Variants in SIDT1 observed in about 807,000 individuals in gnomAD.
The protein encoded by SIDT1 is SID1 transmembrane family, member 1.
In SIDT1, 101 loss-of-function variants were observed where a neutral mutation model predicts 107.5. That is an observed-to-expected ratio of 0.94 (90% CI 0.80 to 1.11). SIDT1 has a LOEUF of 1.11. SIDT1 is among the 50% of genes least tolerant of loss of function. SIDT1 has a pLI of 0.00. For synonymous variants in SIDT1, 395 were observed against 398.2 expected, an observed-to-expected ratio of 0.99 and a Z score of 0.10; for missense variants, 1,076 against 1,058.2, an observed-to-expected ratio of 1.02 and a Z score of -0.23.
chr3:113,535,101 C>T (rs186255789), intron 1 of SIDT1, among the ~76,000 whole-genome samples: 69 of 152,220 alleles, frequency 4.5e-4, no homozygotes, highest in African/African-American at 1.6e-3. Flanking sequence ...ATGAGACCCT[C>T]TCTCTACAAA....
At position 113,593,016 on chromosome 3, in the gene SIDT1, A is replaced by G; in HGVS notation, c.1013A>G (p.Lys338Arg). 1 of 1,613,676 alleles carries G rather than the reference A, an allele frequency of 6.2e-7. No individual in the cohort carries two copies. Among genetic ancestry groups the G allele is most frequent in the Non-Finnish European group, 8.5e-7 (1 of 1,179,516 alleles). ...GTGCTTGTTTGCAGGTTTCAGAGAA[A>G]ATCCATTGATGGAAGCTTTGGGTCC... ...GFVHYLRFQR[K>R]SIDGSFGSND... Residue 338 changes from lysine (K) to arginine (R), a missense_variant, in exon 10 of 25, where the codon AAA becomes AGA. Physicochemically the swap from Lys to Arg is conservative, Grantham distance 26. Coordinates refer to ENST00000264852, the MANE Select transcript of SIDT1 (RefSeq NM_017699.3).
intron 13 of SIDT1, among the ~76,000 whole-genome samples, chr3:113,604,293 C>G (rs1472710811): frequency 6.6e-6 from 1 of 152,230 alleles, no homozygotes; most frequent in Non-Finnish European, 1.5e-5. Context: ...ACTCTTGTGA[C>G]AGCTCCTCCC....
At chr3:113,567,953 T>G (rs1189789554) in intron 3 of SIDT1, 1 of 411,420 alleles carries the variant, frequency 2.4e-6, no homozygotes, top group African/African-American at 2.0e-5. Context: ...GGGATCAGTG[T>G]GAGGAACCTG....
intron 19 of SIDT1, among the ~76,000 whole-genome samples, chr3:113,615,616 C>T (rs1946048747): frequency 6.6e-6 from 1 of 152,206 alleles, no homozygotes; most frequent in African/African-American, 2.4e-5. Context: ...CTCAGTAGAG[C>T]CTAGGGTCCT....
At chr3:113,595,432 T>G (rs1944472937) in intron 10 of SIDT1, among the ~76,000 whole-genome samples, 1 of 151,870 alleles carries the variant, frequency 6.6e-6, no homozygotes, top group Non-Finnish European at 1.5e-5. Flanking sequence ...TAAACAAAAT[T>G]AGGTGGGCGT....
At chr3:113,623,784 A>G (rs754463219) in intron 23 of SIDT1, 51 bp downstream of exon 23, 43 of 1,310,970 alleles carry the variant, frequency 3.3e-5, no homozygotes, top group Middle Eastern at 2.0e-4. Context: ...CCAACTTGCC[A>G]TTTTGGCCTT....
chr3:113,612,107 T>C lies in SIDT1; in HGVS notation c.1879T>C (p.Trp627Arg), dbSNP rs759257073. 6 of 1,614,002 alleles carry C rather than the reference T, an allele frequency of 3.7e-6. No individual in the cohort carries two copies. The highest frequency in any genetic ancestry group is 1.7e-5 in the Admixed American group (1 of 60,006). Residue 627 changes from tryptophan to arginine, a missense_variant, in exon 19 of 25, where the codon TGG becomes CGG. Trp to Arg is a moderately radical substitution (Grantham distance 101, BLOSUM62 -3). Coordinates refer to ENST00000264852, the MANE Select transcript of SIDT1 (RefSeq NM_017699.3). ...CTAGGTGTTTGGAAAAAATGACGTA[T>C]GGTTCTGGGTCATCTTCTCTGCAAT... ...LGVVFGKNDV[W>R]FWVIFSAIHV...
chr3:113,585,075 A>G (rs1943642984), intron 8 of SIDT1, 102 bp from the exon 9 acceptor site: 1 of 819,722 alleles, frequency 1.2e-6, no homozygotes, highest in Non-Finnish European at 2.0e-6. Context: ...TTAGGACCTA[A>G]GAATCAATAT....
intron 6 of SIDT1, among the ~76,000 whole-genome samples, chr3:113,583,185 A>AAC (rs1943490794): frequency 1.3e-5 from 2 of 152,182 alleles, no homozygotes; most frequent in Admixed American, 6.5e-5. Flanking sequence ...TGAAATCAGG[A>AAC]ATGTATATCT....
rs543986774 is a variant in SIDT1 at position 113,576,831 on chromosome 3, A to G, written c.516-91A>G. 34 of 1,369,180 alleles carry G rather than the reference A, an allele frequency of 2.5e-5. No individual in the cohort carries two copies. The African/African-American group carries it at 4.6e-4, about 18-fold the overall frequency. The allele number at this position is 1,369,180 out of a possible 1,614,324, so 84.8% of individuals were successfully genotyped here. ...AAGCTCTCCTTGAGTCTACTTTAAG[A>G]TGGCTTTCTTTTAAATAAATAATTT... On this transcript the variant is annotated intron_variant, in intron 3 of 24. Transcript: ENST00000264852.
intron 3 of SIDT1, among the ~76,000 whole-genome samples, chr3:113,568,634 A>AG (rs1942159936): frequency 6.6e-6 from 1 of 151,944 alleles, no homozygotes; most frequent in African/African-American, 2.4e-5. Flanking sequence ...AAGAAAAAAA[A>AG]CAGAAATGTA....
downstream of SIDT1, among the ~76,000 whole-genome samples, chr3:113,633,602 T>C (rs1308110643): frequency 6.6e-6 from 1 of 152,118 alleles, no homozygotes; most frequent in East Asian, 1.9e-4. Flanking sequence ...GAGACTGGAT[T>C]GGGACAAACA....
At chr3:113,607,182 G>A (rs548104110) in intron 15 of SIDT1, 68 bp downstream of exon 15, 32 of 1,066,328 alleles carry the variant, frequency 3.0e-5, no homozygotes, top group African/African-American at 2.4e-4. Context: ...TTGTGATTTC[G>A]GTTTTTAAAA....
At chr3:113,552,910 T>C (rs766951236) in intron 1 of SIDT1, among the ~76,000 whole-genome samples, 1 of 151,088 alleles carries the variant, frequency 6.6e-6, no homozygotes, top group Non-Finnish European at 1.5e-5. Flanking sequence ...CATGCAAGGG[T>C]TTTGGATGCT....
rs565990870 is a variant in SIDT1, at chr3:113,532,988, G to A, written c.-34G>A. On this transcript the variant is annotated 5_prime_UTR_variant, in exon 1 of 25. Coordinates refer to ENST00000264852, the MANE Select transcript of SIDT1 (RefSeq NM_017699.3). Reference sequence around the variant, plus strand: ...TCTGCGCTCGCCCCCTCCCCAGGGTGGCTCCGCTTTCGAGCCCGGGCGCGG... The same window carrying A: ...TCTGCGCTCGCCCCCTCCCCAGGGTAGCTCCGCTTTCGAGCCCGGGCGCGG... The A allele has an allele frequency of 8.2e-3, 10,753 of 1,317,954 alleles. 64 individuals carry two copies. Among genetic ancestry groups the A allele is most frequent in the Non-Finnish European group, 9.3e-3 (9,564 of 1,032,112 alleles). The allele number at this position is 1,317,954 out of a possible 1,614,324, so 81.6% of individuals were successfully genotyped here.
intron 1 of SIDT1, among the ~76,000 whole-genome samples, chr3:113,542,252 A>G (rs1938996701): frequency 6.6e-6 from 1 of 152,090 alleles, no homozygotes; most frequent in Non-Finnish European, 1.5e-5. Flanking sequence ...CAGGTATGTG[A>G]TGTAACTTTT....
Position 113,567,604 on chromosome 3 carries a change from G to T in SIDT1, c.409G>T (p.Glu137Ter). 6.2e-7 allele frequency: 1 copy of T among 1,614,138 alleles called. No individual in the cohort carries two copies. Among genetic ancestry groups the T allele is most frequent in the Non-Finnish European group, 8.5e-7 (1 of 1,180,006 alleles). ...CTTATGTCCCTCAGAAGCAACCAAT[G>T]AGACGGGACCCTTGCAGCAACTGAT... is the stretch of plus-strand genomic sequence containing the variant. ...RTLCPSEATN[E>*]TGPLQQLIFV... Residue 137 changes from glutamate to a stop codon, truncating the protein, a stop_gained, in exon 3 of 25, where the codon GAG becomes TAG. Transcript: ENST00000264852. LOFTEE classifies it high-confidence loss of function.
rs1301924041 is a variant in SIDT1, at chr3:113,604,930, T to C, written c.1358T>C (p.Val453Ala). Reference sequence around the variant, plus strand: ...CATAGGAACATCATCACCATTGCTGTGTTTTACGCGCTGCCCGTGATCCAG... The same window carrying C: ...CATAGGAACATCATCACCATTGCTGCGTTTTACGCGCTGCCCGTGATCCAG... ...IYFWNIITIA[V>A]FYALPVIQLV... Residue 453 changes from valine (V) to alanine (A), a missense_variant, in exon 14 of 25, where the codon GTG (valine) becomes GCG (alanine). Coordinates refer to ENST00000264852, the MANE Select transcript of SIDT1 (RefSeq NM_017699.3). 1 of 1,614,132 alleles carries C rather than the reference T, an allele frequency of 6.2e-7. No homozygotes were observed. Among genetic ancestry groups the C allele is most frequent in the Non-Finnish European group, 8.5e-7 (1 of 1,180,030 alleles).
chr3:113,549,137 G>A (rs1468024260), intron 1 of SIDT1, among the ~76,000 whole-genome samples: 1 of 152,044 alleles, frequency 6.6e-6, no homozygotes, highest in South Asian at 2.1e-4. Context: ...ATACCACAGT[G>A]TGTTTATCCA....
Sources: gnomAD v4.1 joint callset for allele counts (sites outside exome capture counted in the v4.1 genomes callset) on GRCh38, gnomAD v4.1.1 for gene constraint, MANE v1.5 for transcripts, NCBI Gene and HGNC (gene_info 2026-07-23, HGNC 2026-07-21) for gene names.